The following SGCZ variants were observed in gnomAD, a reference collection of about 807,000 sequenced individuals.
SGCZ encodes sarcoglycan zeta.
SGCZ carries 40 observed loss-of-function variants against 41.3 expected under a neutral mutation model. The observed-to-expected ratio is 0.97, with a 90% CI of 0.75 to 1.26. SGCZ has a LOEUF of 1.26. Among genes scored for constraint, SGCZ ranks in the 50% most tolerant of loss-of-function variants. The pLI is 0.00. For synonymous variants in SGCZ, 206 were observed against 137.5 expected (o/e 1.50, Z -3.49); for missense variants, 552 against 369.8 (o/e 1.49, Z -4.04).
chr8:14,576,871 G>A (rs1244534898), intron 1 of SGCZ, among the ~76,000 whole-genome samples: 1 of 152,162 alleles, frequency 6.6e-6, no homozygotes, highest in African/African-American at 2.4e-5. Flanking sequence ...TCCTCTCCTT[G>A]TAAGAAGGAG....
chr8:14,616,922 G>C (rs1179601749), intron 1 of SGCZ, among the ~76,000 whole-genome samples: 1 of 152,008 alleles, frequency 6.6e-6, no homozygotes, highest in Non-Finnish European at 1.5e-5. Flanking sequence ...ATTACCTTTA[G>C]GTTGTTCTCT....
intron 4 of SGCZ, among the ~76,000 whole-genome samples, chr8:14,230,923 A>G (rs1452656624): frequency 6.6e-6 from 1 of 152,042 alleles, no homozygotes; most frequent in Non-Finnish European, 1.5e-5. Flanking sequence ...TTTCCCTTAA[A>G]CATACGTGGT....
intron 4 of SGCZ, among the ~76,000 whole-genome samples, chr8:14,200,545 T>A (rs1019048317): frequency 1.3e-5 from 2 of 152,166 alleles, no homozygotes; most frequent in Non-Finnish European, 2.9e-5. Flanking sequence ...GTATGAGACC[T>A]GAACATATAA....
chr8:14,531,279 C>T (rs899592409), intron 2 of SGCZ, among the ~76,000 whole-genome samples: 37 of 151,784 alleles, frequency 2.4e-4, no homozygotes, highest in African/African-American at 4.8e-5. Flanking sequence ...AATCCACTTT[C>T]GGGTCCCCTC....
At chr8:14,915,229 A>G (rs1799396799) in intron 1 of SGCZ, among the ~76,000 whole-genome samples, 1 of 152,168 alleles carries the variant, frequency 6.6e-6, no homozygotes, top group Non-Finnish European at 1.5e-5. Flanking sequence ...TCAAGCCTTT[A>G]TTAGGAAAGA....
chr8:14,100,114 T>C (rs917136326), intron 7 of SGCZ, among the ~76,000 whole-genome samples: 7 of 152,120 alleles, frequency 4.6e-5, no homozygotes, highest in African/African-American at 1.7e-4. Flanking sequence ...TGATTTTATA[T>C]TTCTTCATAG....
intron 1 of SGCZ, among the ~76,000 whole-genome samples, chr8:15,121,248 C>T (rs1314107253): frequency 1.3e-5 from 2 of 152,184 alleles, no homozygotes; most frequent in South Asian, 2.1e-4. Context: ...AAAATTCACC[C>T]TCATCACAAT....
At chr8:14,959,892 T>C (rs773093302) in intron 1 of SGCZ, among the ~76,000 whole-genome samples, 4 of 152,140 alleles carry the variant, frequency 2.6e-5, no homozygotes, top group African/African-American at 9.7e-5. Flanking sequence ...CTTTTCCTGA[T>C]TTTCCAGCAC....
intron 1 of SGCZ, among the ~76,000 whole-genome samples, chr8:15,016,935 T>C (rs1247698929): frequency 6.6e-6 from 1 of 152,006 alleles, no homozygotes; most frequent in Non-Finnish European, 1.5e-5. Flanking sequence ...TAATAATTAA[T>C]AGAGTAAGAA....
intron 2 of SGCZ, among the ~76,000 whole-genome samples, chr8:14,435,869 T>C (rs1183152630): frequency 6.6e-6 from 1 of 152,220 alleles, no homozygotes; most frequent in Non-Finnish European, 1.5e-5. Context: ...AAGGCTTCAG[T>C]TTATTGTTAT....
chr8:14,566,016 T>G (rs1458610177), intron 1 of SGCZ, among the ~76,000 whole-genome samples: 1 of 152,198 alleles, frequency 6.6e-6, no homozygotes, highest in Admixed American at 6.5e-5. Flanking sequence ...TATGGGAAAT[T>G]CGTTCTGCTT....
rs1799121215 is a variant in SGCZ at position 14,247,036 on chromosome 8, T to C, written c.337-9357A>G. Among the ~76,000 whole-genome samples the C allele has an allele frequency of 2.6e-5, 4 of 152,274 alleles. 1 individual carries two copies. In the Middle Eastern group the frequency reaches 0.01, roughly 388 times the overall value. ...AGTGCTTATTATGAAAATAAACTTA[T>C]CTAGAGCTGTTTACCTGACTTCCTT... On this transcript the variant is annotated intron_variant, in intron 3 of 7. Coordinates refer to ENST00000382080, the MANE Select transcript of SGCZ (RefSeq NM_139167.4).
chr8:14,114,556 T>C (rs1249388706), intron 5 of SGCZ, among the ~76,000 whole-genome samples: 7 of 151,998 alleles, frequency 4.6e-5, no homozygotes, highest in Non-Finnish European at 1.0e-4. Context: ...TTTAAAAAAA[T>C]ATTTGAAAGC....
intron 3 of SGCZ, among the ~76,000 whole-genome samples, chr8:14,301,788 C>A (rs886565405): frequency 6.6e-5 from 10 of 152,136 alleles, no homozygotes; most frequent in African/African-American, 2.4e-4. Context: ...TGCTGTATTT[C>A]ACACATAGTT....
At chr8:14,444,977 C>T (rs1488615393) in intron 2 of SGCZ, among the ~76,000 whole-genome samples, 6 of 152,118 alleles carry the variant, frequency 3.9e-5, no homozygotes, top group Admixed American at 1.3e-4. Context: ...TGGCCCAAGA[C>T]GCTTCACTGA....
At chr8:14,971,426 T>A (rs905875487) in intron 1 of SGCZ, among the ~76,000 whole-genome samples, 2 of 152,074 alleles carry the variant, frequency 1.3e-5, no homozygotes, top group African/African-American at 4.8e-5. Flanking sequence ...CTGTTCTCTA[T>A]CATTTTGAGA....
At chr8:14,342,318 TC>T (rs1418295036) in intron 2 of SGCZ, among the ~76,000 whole-genome samples, 3 of 152,048 alleles carry the variant, frequency 2.0e-5, no homozygotes, top group Non-Finnish European at 4.4e-5. Flanking sequence ...AGAAGAAATT[TC>T]TTTTTTTTTC....
chr8:14,801,710 G>C (rs1034186513), intron 1 of SGCZ, among the ~76,000 whole-genome samples: 2 of 152,162 alleles, frequency 1.3e-5, no homozygotes, highest in African/African-American at 2.4e-5. Flanking sequence ...AAACTTGCTA[G>C]AAGGATCAAG....
At chr8:14,460,538 G>A (rs776843572) in intron 2 of SGCZ, among the ~76,000 whole-genome samples, 1 of 152,094 alleles carries the variant, frequency 6.6e-6, no homozygotes, top group Non-Finnish European at 1.5e-5. Flanking sequence ...CAGTGGGAGA[G>A]GGTCAGGCAT....
Sources: allele counts gnomAD v4.1 joint callset (sites outside exome capture counted in the v4.1 genomes callset), GRCh38; gene constraint gnomAD v4.1.1; transcripts MANE v1.5; gene names NCBI Gene and HGNC (gene_info 2026-07-23, HGNC 2026-07-21).